Variants in RBFOX1 observed in about 807,000 individuals in gnomAD.
The protein encoded by RBFOX1 is RNA binding protein fox-1 homolog 1.
Under a neutral mutation model 57.7 loss-of-function variants are expected in RBFOX1, and 8 were observed. The ratio of observed to expected loss-of-function variants is 0.14; its 90% confidence interval spans 0.08 to 0.25. The LOEUF is 0.25. Ranked by LOEUF, RBFOX1 falls within the 10% of genes least tolerant of loss-of-function variation. RBFOX1 has a pLI of 1.00. For missense variants in RBFOX1, 611 were observed against 548.5 expected (o/e 1.11, Z -1.14); for synonymous variants, 326 against 222.4 (o/e 1.47, Z -4.15).
At chr16:6,238,932 G>A (rs1479402193) in intron 1 of RBFOX1, among the ~76,000 whole-genome samples, 2 of 152,066 alleles carry the variant, frequency 1.3e-5, no homozygotes, top group Non-Finnish European at 2.9e-5. Flanking sequence ...TATTTAAAAT[G>A]TACCGTTAAC....
At chr16:7,172,144 C>A (rs2080824461) in intron 4 of RBFOX1, among the ~76,000 whole-genome samples, 1 of 152,134 alleles carries the variant, frequency 6.6e-6, no homozygotes, top group Non-Finnish European at 1.5e-5. Flanking sequence ...AATGACCTTT[C>A]ATTTTTAGAA....
At chr16:7,141,867 T>A (rs1169789157) in intron 4 of RBFOX1, among the ~76,000 whole-genome samples, 2 of 152,204 alleles carry the variant, frequency 1.3e-5, no homozygotes, top group African/African-American at 2.4e-5. Flanking sequence ...TCTCACCTAT[T>A]CTCTGCACAG....
chr16:6,821,636 C>T (rs147145442), intron 3 of RBFOX1, among the ~76,000 whole-genome samples: 46 of 152,306 alleles, frequency 3.0e-4, no homozygotes, highest in African/African-American at 1.1e-3. Context: ...ATAAATCGTA[C>T]AACACGTGGC....
chr16:6,995,597 T>C lies in RBFOX1; in HGVS notation c.-15-56460T>C, dbSNP rs531315764. Among the ~76,000 whole-genome samples, 5 of 152,112 alleles carry C rather than the reference T, an allele frequency of 3.3e-5. 1 individual carries two copies. The South Asian group carries it at 8.3e-4, about 25-fold the overall frequency. On this transcript the variant is annotated intron_variant, in intron 3 of 15. Transcript: ENST00000550418. ...CAACACACTGAAACCTTGTCTCTACTAAACATACAAAAATTAGCTGGACGT... is the reference window on the plus strand; with the variant it reads ...CAACACACTGAAACCTTGTCTCTACCAAACATACAAAAATTAGCTGGACGT...
chr16:6,863,657 T>G (rs986083963), intron 3 of RBFOX1, among the ~76,000 whole-genome samples: 1 of 116,928 alleles, frequency 8.6e-6, no homozygotes, highest in Non-Finnish European at 1.7e-5. Context: ...AAGGTTCTGT[T>G]TTTTTTTTTC....
In RBFOX1 at chr16:5,908,146, A is replaced by ACATATATATATACT. The variant is rs1233181978; in HGVS notation, c.351+40819_351+40820insTATACTCATATATA. ...CACATATATATATACACATATATAC[A>ACATATATATATACT]CATATATACACATATATATACACAT... On this transcript the variant is annotated intron_variant, in intron 4 of 19. Transcript: ENST00000641259. 1.2e-4 allele frequency among the ~76,000 whole-genome samples: 18 copies of ACATATATATATACT among 144,982 alleles called. 1 individual carries two copies. Among genetic ancestry groups the ACATATATATATACT allele is most frequent in the Admixed American group, 4.1e-4 (6 of 14,652 alleles).
chr16:5,617,625 G>A (rs908146926), intron 3 of RBFOX1, among the ~76,000 whole-genome samples: 1 of 152,194 alleles, frequency 6.6e-6, no homozygotes, highest in African/African-American at 2.4e-5. Flanking sequence ...CTGTAATCAA[G>A]CTGTCTTTAT....
chr16:6,415,048 G>A (rs1460368892), intron 2 of RBFOX1, among the ~76,000 whole-genome samples: 1 of 151,924 alleles, frequency 6.6e-6, no homozygotes, highest in African/African-American at 2.4e-5. Context: ...TTCGAGACCA[G>A]CCTGGCCAAC....
intron 4 of RBFOX1, among the ~76,000 whole-genome samples, chr16:7,266,760 T>A (rs1358830086): frequency 6.6e-6 from 1 of 151,700 alleles, no homozygotes; most frequent in Non-Finnish European, 1.5e-5. Context: ...TAATGTTAAA[T>A]GCTACAAAGG....
At chr16:6,654,945 T>G (rs192603679) in intron 3 of RBFOX1, among the ~76,000 whole-genome samples, 1 of 152,220 alleles carries the variant, frequency 6.6e-6, no homozygotes, top group Non-Finnish European at 1.5e-5. Context: ...ACTTGTCACA[T>G]TGAACTTGAA....
chr16:5,313,511 G>T (rs2064147580), intron 1 of RBFOX1, among the ~76,000 whole-genome samples: 2 of 152,090 alleles, frequency 1.3e-5, no homozygotes, highest in South Asian at 4.2e-4. Context: ...GACTGTATTA[G>T]TCCATATTCA....
intron 3 of RBFOX1, among the ~76,000 whole-genome samples, chr16:6,981,249 T>C (rs1394931955): frequency 6.6e-6 from 1 of 152,016 alleles, no homozygotes; most frequent in African/African-American, 2.4e-5. Context: ...TCATTGTTTT[T>C]TGTGATTCTC....
chr16:5,634,905 C>G (rs1266215432), intron 3 of RBFOX1, among the ~76,000 whole-genome samples: 7 of 152,114 alleles, frequency 4.6e-5, no homozygotes, highest in Non-Finnish European at 7.4e-5. Flanking sequence ...ATGTCTATTC[C>G]AGGACGGATT....
intron 1 of RBFOX1, among the ~76,000 whole-genome samples, chr16:5,285,928 C>T (rs2063383559): frequency 6.6e-6 from 1 of 152,160 alleles, no homozygotes. Flanking sequence ...CCTGCCACCA[C>T]ACCTGGCTAA....
At position 5,970,471 on chromosome 16, in the gene RBFOX1, C is replaced by T. The variant is rs77837290; in HGVS notation, c.351+103136C>T. On this transcript the variant is annotated intron_variant, in intron 4 of 19. Transcript: ENST00000641259. ...TGACTATGGTGGCATATTTCTGCTA[C>T]ACATAAGGAACATTCTCTAGGTTCT... is the stretch of plus-strand genomic sequence containing the variant. 4.7e-3 allele frequency among the ~76,000 whole-genome samples: 709 copies of T among 152,216 alleles called. 6 individuals are homozygous for T. The highest frequency in any genetic ancestry group is 0.016 in the African/African-American group (667 of 41,522).
intron 3 of RBFOX1, among the ~76,000 whole-genome samples, chr16:5,620,244 A>G (rs975364012): frequency 6.6e-6 from 1 of 152,112 alleles, no homozygotes; most frequent in South Asian, 2.1e-4. Flanking sequence ...TGGAGGGGAA[A>G]GCTGAGCTTA....
intron 2 of RBFOX1, among the ~76,000 whole-genome samples, chr16:6,412,919 C>T (rs1372818927): frequency 1.3e-5 from 2 of 152,138 alleles, no homozygotes; most frequent in Admixed American, 1.3e-4. Context: ...AGAAACGGAA[C>T]TTTCAAAAAC....
intron 3 of RBFOX1, among the ~76,000 whole-genome samples, chr16:6,944,757 A>C (rs865799413): frequency 6.6e-6 from 1 of 152,184 alleles, no homozygotes; most frequent in Non-Finnish European, 1.5e-5. Context: ...TCCTGTTGCC[A>C]TAGTACCCTC....
intron 3 of RBFOX1, among the ~76,000 whole-genome samples, chr16:6,906,138 T>G (rs2069841445): frequency 6.6e-6 from 1 of 152,160 alleles, no homozygotes; most frequent in Admixed American, 6.5e-5. Context: ...CACTTAGGGC[T>G]GCAAACAGTG....
Sources: allele counts gnomAD v4.1 joint callset (sites outside exome capture counted in the v4.1 genomes callset), GRCh38; gene constraint gnomAD v4.1.1; transcripts MANE v1.5; gene names NCBI Gene and HGNC (gene_info 2026-07-23, HGNC 2026-07-21).